The following RBFOX1 variants were observed in gnomAD, a reference collection of about 807,000 sequenced individuals.
RBFOX1 encodes the protein RNA binding fox-1 homolog 1.
RBFOX1 carries 8 observed loss-of-function variants against 57.7 expected under a neutral mutation model. The ratio of observed to expected loss-of-function variants is 0.14; its 90% CI spans 0.08 to 0.25. The LOEUF is 0.25. Ranked by LOEUF, RBFOX1 falls within the 10% of genes least tolerant of loss-of-function variation. RBFOX1 has a pLI of 1.00. For synonymous variants in RBFOX1, 326 were observed against 222.4 expected, an observed-to-expected ratio of 1.47 and a Z score of -4.15; for missense variants, 611 against 548.5, an observed-to-expected ratio of 1.11 and a Z score of -1.14.
intron 1 of RBFOX1, among the ~76,000 whole-genome samples, chr16:6,171,249 T>A (rs1351044919): frequency 6.6e-6 from 1 of 152,190 alleles, no homozygotes; most frequent in African/African-American, 2.4e-5. Flanking sequence ...ATTTTGTAAA[T>A]ATTTTCCATG....
intron 3 of RBFOX1, among the ~76,000 whole-genome samples, chr16:6,769,299 G>A (rs772776225): frequency 1.3e-5 from 2 of 152,178 alleles, no homozygotes; most frequent in Admixed American, 6.5e-5. Flanking sequence ...CACCATGACT[G>A]TGTGGCCTCC....
At chr16:6,819,508 A>C (rs561965350) in intron 3 of RBFOX1, among the ~76,000 whole-genome samples, 2 of 152,168 alleles carry the variant, frequency 1.3e-5, no homozygotes, top group African/African-American at 4.8e-5. Flanking sequence ...GTTTGAGACC[A>C]GCCTGACCAG....
chr16:6,019,446 G>T lies in RBFOX1; in HGVS notation c.-673G>T, dbSNP rs2095025952. ...CGGAGCCCAGGGGCCGCGTCGGGTG[G>T]GGAAACCCGAACTCGCGGAGGGGAA... On this transcript the variant is annotated 5_prime_UTR_variant, in exon 1 of 16. Coordinates refer to ENST00000550418, the MANE Select transcript of RBFOX1 (RefSeq NM_018723.4). The surrounding 1 kb of genome is among the most constrained non-coding windows in gnomAD (Gnocchi z 4.2). The T allele has an allele frequency of 2.0e-6, 2 of 990,402 alleles. No individual in the cohort carries two copies. The highest frequency in any genetic ancestry group is 9.4e-5 in the South Asian group (2 of 21,336). The allele number at this position is 990,402 out of a possible 1,614,324, so 61.4% of individuals were successfully genotyped here.
intron 2 of RBFOX1, among the ~76,000 whole-genome samples, chr16:5,511,485 A>G (rs2043591149): frequency 6.6e-6 from 1 of 152,154 alleles, no homozygotes; most frequent in South Asian, 2.1e-4. Context: ...TTCAACACCA[A>G]ACATGGTGAA....
intron 3 of RBFOX1, among the ~76,000 whole-genome samples, chr16:6,887,219 G>A (rs553406886): frequency 5.0e-4 from 76 of 152,260 alleles, no homozygotes; most frequent in African/African-American, 1.8e-3. Context: ...TCTAGTACTT[G>A]GAAGGAGACT....
chr16:7,407,717 A>G (rs190362433), intron 4 of RBFOX1, among the ~76,000 whole-genome samples: 4 of 152,240 alleles, frequency 2.6e-5, no homozygotes, highest in African/African-American at 4.8e-5. Flanking sequence ...GATATGCAGA[A>G]TAATAACCTA....
intron 4 of RBFOX1, among the ~76,000 whole-genome samples, chr16:5,906,286 G>A (rs2058454053): frequency 6.6e-6 from 1 of 152,112 alleles, no homozygotes; most frequent in Non-Finnish European, 1.5e-5. Context: ...AAGTATGACT[G>A]GTTTCTTTGT....
At chr16:7,274,850 G>A (rs1196775743) in intron 4 of RBFOX1, among the ~76,000 whole-genome samples, 1 of 151,796 alleles carries the variant, frequency 6.6e-6, no homozygotes, top group Non-Finnish European at 1.5e-5. Context: ...ACACCTGGCT[G>A]ATTTTTATAT....
At chr16:6,233,922 A>G (rs2097485437) in intron 1 of RBFOX1, among the ~76,000 whole-genome samples, 1 of 152,198 alleles carries the variant, frequency 6.6e-6, no homozygotes, top group Non-Finnish European at 1.5e-5. Context: ...AGTAACTGAT[A>G]AAGAACAGAA....
chr16:5,341,875 G>GT (rs2065040469), intron 1 of RBFOX1, among the ~76,000 whole-genome samples: 1 of 152,162 alleles, frequency 6.6e-6, no homozygotes, highest in Non-Finnish European at 1.5e-5. Flanking sequence ...GAGCTGCTGT[G>GT]TAAGTCACCT....
At chr16:5,412,667 T>G (rs2067052633) in intron 1 of RBFOX1, among the ~76,000 whole-genome samples, 1 of 152,220 alleles carries the variant, frequency 6.6e-6, no homozygotes, top group Non-Finnish European at 1.5e-5. Context: ...TGCTAAGGGC[T>G]TTGCAGGCAT....
At chr16:6,877,933 A>G (rs1391053567) in intron 3 of RBFOX1, among the ~76,000 whole-genome samples, 1 of 152,154 alleles carries the variant, frequency 6.6e-6, no homozygotes, top group Non-Finnish European at 1.5e-5. Context: ...CAAAACATAC[A>G]CAGAGTCTTG....
chr16:7,194,215 G>C (rs569431497), intron 4 of RBFOX1, among the ~76,000 whole-genome samples: 3 of 152,072 alleles, frequency 2.0e-5, no homozygotes, highest in Non-Finnish European at 4.4e-5. Context: ...GGAAGCCTCC[G>C]GCTCAGTGTC....
rs2096673002 is a variant in RBFOX1, at chr16:6,137,194, A to G, written c.-127+117202A>G. ...GTCAGTGGTAAATAATTAGATAGAA[A>G]ACATCCAGTGGTGGTAAGTTGATAA... is the stretch of plus-strand genomic sequence containing the variant. On this transcript the variant is annotated intron_variant, in intron 1 of 15. Transcript: ENST00000550418. 2.0e-5 allele frequency among the ~76,000 whole-genome samples: 3 copies of G among 152,254 alleles called. No individual in the cohort carries two copies. The South Asian group carries it at 6.2e-4, about 31-fold the overall frequency.
At chr16:7,579,353 A>G (rs942146730) in intron 5 of RBFOX1, among the ~76,000 whole-genome samples, 2 of 152,164 alleles carry the variant, frequency 1.3e-5, no homozygotes, top group African/African-American at 2.4e-5. Flanking sequence ...TAAGAAATAC[A>G]CACTGTCCTG....
intron 4 of RBFOX1, among the ~76,000 whole-genome samples, chr16:7,225,572 A>G (rs2093042498): frequency 6.6e-6 from 1 of 151,970 alleles, no homozygotes; most frequent in Non-Finnish European, 1.5e-5. Flanking sequence ...GTAGACTAAT[A>G]CAGTGGGCCA....
chr16:7,652,175 GA>G (rs1210645448), intron 11 of RBFOX1, among the ~76,000 whole-genome samples: 1 of 152,134 alleles, frequency 6.6e-6, no homozygotes, highest in Non-Finnish European at 1.5e-5. Flanking sequence ...AGAGCACTGG[GA>G]GAGTCAGAGA....
intron 4 of RBFOX1, among the ~76,000 whole-genome samples, chr16:7,447,455 G>T (rs867344480): frequency 1.4e-5 from 2 of 145,836 alleles, no homozygotes; most frequent in Non-Finnish European, 3.0e-5. Context: ...AAAAAAGAGA[G>T]ATTCCAATGA....
intron 4 of RBFOX1, among the ~76,000 whole-genome samples, chr16:7,394,628 G>C (rs12709199): frequency 0.1 from 15,187 of 152,126 alleles, 861 homozygotes; most frequent in African/African-American, 0.16. Flanking sequence ...CCACTACAGT[G>C]TCTGGATTCT....
Sources: allele counts gnomAD v4.1 joint callset (sites outside exome capture counted in the v4.1 genomes callset), GRCh38; gene constraint gnomAD v4.1.1; non-coding constraint Gnocchi (gnomAD v3.1); transcripts MANE v1.5; gene names NCBI Gene and HGNC (gene_info 2026-07-23, HGNC 2026-07-21).